CNTNAP2: variants seen among roughly 807,000 people sequenced by gnomAD.
CNTNAP2 encodes the protein contactin associated protein 2, also known as contactin-associated protein-like 2.
CNTNAP2 carries 98 observed loss-of-function variants against 155.2 expected under a neutral mutation model. The ratio of observed to expected loss-of-function variants is 0.63; its 90% CI spans 0.54 to 0.75. The LOEUF (loss-of-function observed/expected upper bound fraction) is 0.75. CNTNAP2 is among the 30% of genes least tolerant of loss of function. The pLI is 0.00. For synonymous variants in CNTNAP2, 651 were observed against 631.2 expected (o/e 1.03, Z -0.47); for missense variants, 1,727 against 1,688.1 (o/e 1.02, Z -0.40).
chr7:147,381,188 A>G (rs1395447661), intron 9 of CNTNAP2, among the ~76,000 whole-genome samples: 1 of 152,138 alleles, frequency 6.6e-6, no homozygotes, highest in African/African-American at 2.4e-5. Flanking sequence ...GTTTACAAAA[A>G]CCATAGGAAT....
intron 22 of CNTNAP2, among the ~76,000 whole-genome samples, chr7:148,392,225 C>G (rs901155433): frequency 6.6e-6 from 1 of 152,148 alleles, no homozygotes; most frequent in African/African-American, 2.4e-5. Context: ...AGGCACGCAC[C>G]ACCACACCCA....
intron 1 of CNTNAP2, among the ~76,000 whole-genome samples, chr7:146,716,128 A>C (rs1250265884): frequency 6.6e-6 from 1 of 151,434 alleles, no homozygotes; most frequent in Non-Finnish European, 1.5e-5. Flanking sequence ...TATGGAACTC[A>C]TTCCTAAACA....
At chr7:148,217,248 C>T in intron 18 of CNTNAP2, 40 bp from the exon 19 acceptor site, 1 of 1,601,866 alleles carries the variant, frequency 6.2e-7, no homozygotes, top group Non-Finnish European at 8.6e-7. Context: ...CGGCATCAGA[C>T]CTCTCCTCAT....
intron 1 of CNTNAP2, among the ~76,000 whole-genome samples, chr7:146,309,833 G>GAAGGAAGA (rs1563032349): frequency 7.1e-6 from 1 of 140,602 alleles, no homozygotes; most frequent in East Asian, 2.0e-4. Flanking sequence ...GAAAGGAAAG[G>GAAGGAAGA]AAGGAAGGAA....
intron 13 of CNTNAP2, among the ~76,000 whole-genome samples, chr7:147,769,980 T>A (rs1296162529): frequency 1.3e-5 from 2 of 152,208 alleles, no homozygotes; most frequent in Non-Finnish European, 2.9e-5. Flanking sequence ...CTCTACTGAC[T>A]TTTTTCGTTT....
intron 12 of CNTNAP2, among the ~76,000 whole-genome samples, chr7:147,593,222 T>G (rs1800772088): frequency 6.6e-6 from 1 of 151,030 alleles, no homozygotes; most frequent in African/African-American, 2.4e-5. Context: ...ATTTTTTTTT[T>G]TTTCATTTGC....
At chr7:146,234,348 T>C (rs996941090) in intron 1 of CNTNAP2, among the ~76,000 whole-genome samples, 1 of 152,140 alleles carries the variant, frequency 6.6e-6, no homozygotes, top group Admixed American at 6.6e-5. Flanking sequence ...GTTCATTGTA[T>C]ATTCTGGATA....
intron 8 of CNTNAP2, among the ~76,000 whole-genome samples, chr7:147,201,651 A>T (rs539821794): frequency 2.2e-4 from 34 of 152,144 alleles, no homozygotes; most frequent in Non-Finnish European, 3.5e-4. Context: ...TGTCACTGGG[A>T]ACTAATTGGA....
At chr7:148,138,548 C>T (rs1208123262) in intron 16 of CNTNAP2, among the ~76,000 whole-genome samples, 1 of 152,192 alleles carries the variant, frequency 6.6e-6, no homozygotes, top group Non-Finnish European at 1.5e-5. Context: ...TGCCGCACAA[C>T]CTGAATATGG....
chr7:147,892,268 A>C (rs926602805), intron 13 of CNTNAP2, among the ~76,000 whole-genome samples: 6 of 152,264 alleles, frequency 3.9e-5, no homozygotes, highest in Admixed American at 6.5e-5. Context: ...CATTGAACTA[A>C]ATGGATCATA....
intron 8 of CNTNAP2, among the ~76,000 whole-genome samples, chr7:147,297,393 T>G (rs1794849823): frequency 1.3e-5 from 2 of 152,212 alleles, no homozygotes; most frequent in African/African-American, 4.8e-5. Flanking sequence ...AGAAAATTAG[T>G]AAGTATGCTA....
chr7:146,122,887 G>T (rs963825200), intron 1 of CNTNAP2, among the ~76,000 whole-genome samples: 7 of 152,154 alleles, frequency 4.6e-5, no homozygotes, highest in Non-Finnish European at 7.3e-5. Flanking sequence ...GTAAAATCCT[G>T]AAGGTTAAAT....
intron 3 of CNTNAP2, among the ~76,000 whole-genome samples, chr7:146,974,390 A>C (rs1367732227): frequency 6.6e-6 from 1 of 152,046 alleles, no homozygotes; most frequent in African/African-American, 2.4e-5. Flanking sequence ...GTGAGCCGAG[A>C]TCATGCCATT....
intron 3 of CNTNAP2, among the ~76,000 whole-genome samples, chr7:146,840,600 A>AG (rs1477139457): frequency 3.9e-4 from 59 of 152,072 alleles, no homozygotes; most frequent in African/African-American, 1.4e-3. Flanking sequence ...AAGAAGAAGA[A>AG]AAAGAAGATG....
chr7:146,190,127 A>G (rs918555895), intron 1 of CNTNAP2, among the ~76,000 whole-genome samples: 1 of 152,206 alleles, frequency 6.6e-6, no homozygotes, highest in Non-Finnish European at 1.5e-5. Context: ...GACCCTTGGT[A>G]AGAACCCAGG....
chr7:146,378,807 G>A (rs756725895), intron 1 of CNTNAP2, among the ~76,000 whole-genome samples: 5 of 152,140 alleles, frequency 3.3e-5, no homozygotes, highest in Non-Finnish European at 7.3e-5. Context: ...AAACTTTCTT[G>A]TTTTCCCTAA....
chr7:147,996,264 T>C (rs1311123948), intron 15 of CNTNAP2, among the ~76,000 whole-genome samples: 4 of 152,332 alleles, frequency 2.6e-5, no homozygotes, highest in African/African-American at 4.8e-5. Flanking sequence ...TATCATATTA[T>C]TGAGTTTTCC....
chr7:148,286,942 G>C (rs1236043476), intron 21 of CNTNAP2, among the ~76,000 whole-genome samples: 1 of 152,080 alleles, frequency 6.6e-6, no homozygotes, highest in Non-Finnish European at 1.5e-5. Context: ...GCCACACATA[G>C]TACCCTAATA....
At chr7:147,730,023 A>C (rs1161569270) in intron 13 of CNTNAP2, among the ~76,000 whole-genome samples, 1 of 152,144 alleles carries the variant, frequency 6.6e-6, no homozygotes, top group African/African-American at 2.4e-5. Flanking sequence ...ATAGCCAACA[A>C]TTAATATCTA....
Sources: allele counts gnomAD v4.1 joint callset (sites outside exome capture counted in the v4.1 genomes callset), GRCh38; gene constraint gnomAD v4.1.1; transcripts MANE v1.5; gene names NCBI Gene and HGNC (gene_info 2026-07-23, HGNC 2026-07-21).